NELL1: variants seen among roughly 807,000 people sequenced by gnomAD.
NELL1 encodes neural EGFL like 1, also known as protein kinase C-binding protein NELL1.
NELL1 carries 76 observed loss-of-function variants against 107.4 expected under a neutral mutation model. The observed-to-expected ratio is 0.71, with a 90% CI of 0.59 to 0.86. The LOEUF is 0.86. Among genes scored for constraint, NELL1 ranks in the 40% least tolerant of loss-of-function variants. The pLI, the probability that NELL1 is intolerant of heterozygous loss-of-function variation, is 0.00. For synonymous variants in NELL1, 353 were observed against 341.2 expected, an observed-to-expected ratio of 1.03 and a Z score of -0.38; for missense variants, 1,024 against 1,005.5, an observed-to-expected ratio of 1.02 and a Z score of -0.25.
intron 4 of NELL1, among the ~76,000 whole-genome samples, chr11:20,859,239 C>A (rs556705094): frequency 6.6e-6 from 1 of 152,286 alleles, no homozygotes; most frequent in Admixed American, 6.5e-5. Flanking sequence ...TGGGGTTCCA[C>A]GGACATTGGT....
rs1465022319 is a variant in NELL1 at position 20,736,788 on chromosome 11, T to C, written c.185-46892T>C. The stretch of plus-strand genomic sequence containing the variant: ...TCATTTTTTTGAGACAGAGTCTTGC[T>C]CTGTCACCCAGACTGGAGTGCAGTG... On this transcript the variant is annotated intron_variant, in intron 2 of 19. Coordinates refer to ENST00000357134, the MANE Select transcript of NELL1 (RefSeq NM_006157.5). Among the ~76,000 whole-genome samples, 4 of 147,792 alleles carry C rather than the reference T, an allele frequency of 2.7e-5. No homozygotes were observed. The East Asian group carries it at 8.3e-4, about 31-fold the overall frequency.
intron 13 of NELL1, among the ~76,000 whole-genome samples, chr11:21,149,994 GC>G (rs1856078301): frequency 6.6e-6 from 1 of 152,088 alleles, no homozygotes; most frequent in African/African-American, 2.4e-5. Flanking sequence ...GAAGGCGGTG[GC>G]TTTTGAGTTG....
chr11:21,296,065 A>G (rs1024427351), intron 14 of NELL1, among the ~76,000 whole-genome samples: 1 of 152,068 alleles, frequency 6.6e-6, no homozygotes, highest in Non-Finnish European at 1.5e-5. Context: ...ATGTTGCCAC[A>G]AAAGAGAGAG....
intron 14 of NELL1, among the ~76,000 whole-genome samples, chr11:21,326,081 T>TTTTTTTTTTTTTTTTTA (rs1850131255): frequency 2.3e-5 from 1 of 44,430 alleles, no homozygotes; most frequent in African/African-American, 7.6e-5. Flanking sequence ...TTTTTTTTTT[T>TTTTTTTTTTTTTTTTTA]GGGCTATTTT....
At chr11:20,948,642 T>G (rs1336798864) in intron 11 of NELL1, among the ~76,000 whole-genome samples, 1 of 151,722 alleles carries the variant, frequency 6.6e-6, no homozygotes, top group Non-Finnish European at 1.5e-5. Flanking sequence ...CCCCTTTCCC[T>G]TCACGGCCTC....
intron 15 of NELL1, chr11:21,504,086 T>C (rs760515131): frequency 6.6e-6 from 1 of 152,168 alleles, no homozygotes; most frequent in Non-Finnish European, 1.5e-5. Flanking sequence ...CTCTTTCTAG[T>C]GGTGAGAATG....
intron 14 of NELL1, among the ~76,000 whole-genome samples, chr11:21,243,596 C>T (rs370530589): frequency 6.6e-6 from 1 of 152,094 alleles, no homozygotes; most frequent in Non-Finnish European, 1.5e-5. Context: ...CGCACATGCA[C>T]ATAACACGTG....
intron 1 of NELL1, among the ~76,000 whole-genome samples, 196 bp from the exon 2 acceptor site, chr11:20,677,736 G>A (rs1565302776): frequency 6.6e-6 from 1 of 151,994 alleles, no homozygotes; most frequent in Non-Finnish European, 1.5e-5. Flanking sequence ...TGGGGTTGGG[G>A]GAAGGAACAA....
chr11:21,246,122 T>C (rs1317826510), intron 14 of NELL1, among the ~76,000 whole-genome samples: 1 of 152,118 alleles, frequency 6.6e-6, no homozygotes, highest in Non-Finnish European at 1.5e-5. Context: ...ACAGCTAATA[T>C]ATATTGAGCG....
chr11:20,875,490 A>G (rs1849286923), intron 4 of NELL1, among the ~76,000 whole-genome samples: 1 of 152,150 alleles, frequency 6.6e-6, no homozygotes, highest in South Asian at 2.1e-4. Context: ...AATTGCTTGA[A>G]CCCAAGAGTT....
rs199540916 is a variant in NELL1 at position 21,209,279 on chromosome 11, ATTAC to A, written c.1427-20050_1427-20047del. Reference sequence around the variant, plus strand: ...TGTTCCTAGATATGTGTTATACATAATTACTTCTTAACCCCACATTAACTATAAA... The same window carrying A: ...TGTTCCTAGATATGTGTTATACATAATTCTTAACCCCACATTAACTATAAA... On this transcript the variant is annotated intron_variant, in intron 13 of 19. Coordinates refer to ENST00000357134, the MANE Select transcript of NELL1 (RefSeq NM_006157.5). 7.5e-3 allele frequency among the ~76,000 whole-genome samples: 1,128 copies of A among 150,600 alleles called. 13 individuals are homozygous for A. Among genetic ancestry groups the A allele is most frequent in the African/African-American group, 0.026 (1,070 of 41,228 alleles).
chr11:21,208,376 T>A (rs924728831), intron 13 of NELL1, among the ~76,000 whole-genome samples: 7 of 151,224 alleles, frequency 4.6e-5, no homozygotes, highest in African/African-American at 1.7e-4. Flanking sequence ...TAACATGCAT[T>A]TTATAGACTT....
chr11:21,086,438 G>A (rs1015143453), intron 12 of NELL1, among the ~76,000 whole-genome samples: 1 of 152,236 alleles, frequency 6.6e-6, no homozygotes, highest in Non-Finnish European at 1.5e-5. Context: ...GTGTGGGGTA[G>A]GTAGCATTGG....
intron 12 of NELL1, among the ~76,000 whole-genome samples, chr11:21,018,608 A>G (rs993515100): frequency 6.6e-6 from 1 of 152,010 alleles, no homozygotes; most frequent in East Asian, 1.9e-4. Context: ...GTTTCTTTCA[A>G]TGTGGTAGGC....
At chr11:21,231,991 A>G (rs1336968785) in intron 14 of NELL1, among the ~76,000 whole-genome samples, 4 of 151,768 alleles carry the variant, frequency 2.6e-5, no homozygotes, top group South Asian at 2.1e-4. Flanking sequence ...TGTAACTTCT[A>G]TATTTTTACA....
intron 15 of NELL1, among the ~76,000 whole-genome samples, chr11:21,434,685 T>C (rs1483438473): frequency 6.6e-6 from 1 of 152,154 alleles, no homozygotes; most frequent in Non-Finnish European, 1.5e-5. Flanking sequence ...AGAAACCAAA[T>C]GTTTTTTGGT....
intron 15 of NELL1, among the ~76,000 whole-genome samples, chr11:21,450,264 A>G (rs1333502058): frequency 1.3e-5 from 2 of 152,208 alleles, no homozygotes; most frequent in South Asian, 2.1e-4. Flanking sequence ...TCTCTTTTTT[A>G]TTATAATGTC....
Position 20,789,041 on chromosome 11 carries a change from C to T in NELL1, c.335+5211C>T, listed in dbSNP as rs536470720. On this transcript the variant is annotated intron_variant, in intron 3 of 19. Coordinates refer to ENST00000357134, the MANE Select transcript of NELL1 (RefSeq NM_006157.5). ...TGGCACCCTGTTGAAGATCAATTGACCATAAATATGAGGGCTTATTTCTGG... is the reference window on the plus strand; with the variant it reads ...TGGCACCCTGTTGAAGATCAATTGATCATAAATATGAGGGCTTATTTCTGG... 3.3e-3 allele frequency among the ~76,000 whole-genome samples: 500 copies of T among 152,288 alleles called. 1 individual carries two copies. Among genetic ancestry groups the T allele is most frequent in the Non-Finnish European group, 4.3e-3 (293 of 68,024 alleles).
chr11:21,007,521 T>G (rs184306274), intron 12 of NELL1, among the ~76,000 whole-genome samples: 1 of 152,230 alleles, frequency 6.6e-6, no homozygotes, highest in East Asian at 1.9e-4. Context: ...AACCCTTGCC[T>G]GGAGCTTTTT....
Sources: gnomAD v4.1 joint callset for allele counts (sites outside exome capture counted in the v4.1 genomes callset) on GRCh38, gnomAD v4.1.1 for gene constraint, MANE v1.5 for transcripts, NCBI Gene and HGNC (gene_info 2026-07-23, HGNC 2026-07-21) for gene names.